OR10J1: variants seen among roughly 807,000 people sequenced by gnomAD.
OR10J1 encodes the protein olfactory receptor family 10 subfamily J member 1, also known as olfactory receptor 10J1.
For missense variants in OR10J1, 474 were observed against 376.6 expected (o/e 1.26, Z -2.14); for synonymous variants, 202 against 143.8 (o/e 1.40, Z -2.89).
the OR10J1 span, chr1:159,406,307 T>C: frequency 3.9e-6 from 2 of 508,330 alleles, 1 homozygote; most frequent in Non-Finnish European, 8.0e-6. Context: ...TGCTGTCACC[T>C]GAAGCTGGAG....
At chr1:159,427,871 A>G in the OR10J1 span, among the ~76,000 whole-genome samples, 2 of 152,148 alleles carry the variant, frequency 1.3e-5, no homozygotes, top group African/African-American at 2.4e-5. Context: ...GGTTTCCGTT[A>G]AAACGTATGA....
the OR10J1 span, chr1:159,432,791 G>A: frequency 1.1e-5 from 3 of 273,772 alleles, no homozygotes; most frequent in Admixed American, 1.1e-4. Flanking sequence ...CTACTATCAA[G>A]GAGTTATTAC....
the OR10J1 span, chr1:159,406,152 G>A: frequency 2.0e-6 from 1 of 488,428 alleles, no homozygotes; most frequent in Non-Finnish European, 4.1e-6. Flanking sequence ...CATGTAGCAG[G>A]TCTCAGAGAT....
the OR10J1 span, chr1:159,406,182 G>T: frequency 2.0e-6 from 1 of 508,388 alleles, no homozygotes; most frequent in South Asian, 1.5e-5. Context: ...TGCTCAGGAA[G>T]AAGTACATGG....
chr1:159,415,345 G>A, the OR10J1 span, among the ~76,000 whole-genome samples: 1 of 151,990 alleles, frequency 6.6e-6, no homozygotes, highest in African/African-American at 2.4e-5. Flanking sequence ...CCCAATGCAT[G>A]TTCTTAGTGC....
rs1394275646 is a variant in OR10J1, at chr1:159,440,211, G to A, written c.420G>A (p.Leu140=). Residue 140 remains leucine (L), a synonymous_variant, in exon 1 of 1, where the codon CTG becomes CTA. Coordinates refer to ENST00000423932, the MANE Select transcript of OR10J1 (RefSeq NM_012351.3). ...ACATGGTTATTATGAACAAGAGGCTGCGTATCCAACTTGTCCTGGGGGCCT... is the reference window on the plus strand; with the variant it reads ...ACATGGTTATTATGAACAAGAGGCTACGTATCCAACTTGTCCTGGGGGCCT... ...LRYMVIMNKR[L]RIQLVLGACS... is the part of the protein sequence containing the mutation. The A allele has an allele frequency of 2.3e-5, 37 of 1,614,040 alleles. No individual in the cohort carries two copies. The highest frequency in any genetic ancestry group is 3.1e-5 in the Non-Finnish European group (37 of 1,180,012).
In OR10J1 at chr1:159,440,457, T is replaced by G; in HGVS notation, c.666T>G (p.Ser222=). 1 of 1,614,174 alleles carries G rather than the reference T, an allele frequency of 6.2e-7. No individual in the cohort carries two copies. Among genetic ancestry groups the G allele is most frequent in the Non-Finnish European group, 8.5e-7 (1 of 1,180,022 alleles). The stretch of plus-strand genomic sequence containing the variant: ...TCATTTCTTATGTTCTCATTATCTC[T>G]ACAATCCTCAAGATTGCTTCAGTTG... The part of the protein sequence containing the change: ...LVFISYVLII[S]TILKIASVEG... The change falls in exon 1 of 1, where the codon TCT becomes TCG. Residue 222 remains serine, a synonymous_variant. Transcript: ENST00000423932.
chr1:159,433,716 CACTGT>C (rs1218883065), upstream of OR10J1, among the ~76,000 whole-genome samples: 2 of 152,196 alleles, frequency 1.3e-5, no homozygotes, highest in African/African-American at 4.8e-5. Flanking sequence ...CTTAGTCAAT[CACTGT>C]ACCCAAAACC....
the OR10J1 span, chr1:159,406,359 C>T: frequency 4.5e-6 from 2 of 443,010 alleles, no homozygotes; most frequent in South Asian, 3.8e-5. Context: ...TGGACTTTGA[C>T]CTTGGCACTG....
chr1:159,426,717 C>T, the OR10J1 span, among the ~76,000 whole-genome samples: 1 of 151,624 alleles, frequency 6.6e-6, no homozygotes, highest in Non-Finnish European at 1.5e-5. Context: ...CTTTTGATCC[C>T]AAAGGATGTC....
the OR10J1 span, among the ~76,000 whole-genome samples, chr1:159,406,806 C>A: frequency 6.6e-6 from 1 of 152,048 alleles, no homozygotes; most frequent in Admixed American, 6.6e-5. Context: ...TGGGTTTAAT[C>A]CATTCATTTC....
At chr1:159,412,907 A>G in the OR10J1 span, among the ~76,000 whole-genome samples, 3 of 151,950 alleles carry the variant, frequency 2.0e-5, no homozygotes, top group Non-Finnish European at 4.4e-5. Context: ...GGCAACCTAC[A>G]ACATGGGAGA....
At chr1:159,425,601 A>T in the OR10J1 span, among the ~76,000 whole-genome samples, 1 of 152,116 alleles carries the variant, frequency 6.6e-6, no homozygotes, top group African/African-American at 2.4e-5. Flanking sequence ...CAAGAAAAAA[A>T]TTGCAAAGAA....
At chr1:159,403,399 G>A in the OR10J1 span, among the ~76,000 whole-genome samples, 4 of 150,716 alleles carry the variant, frequency 2.7e-5, no homozygotes, top group East Asian at 1.9e-4. Context: ...TGTGTAAGGA[G>A]CACAAACAAC....
the OR10J1 span, among the ~76,000 whole-genome samples, chr1:159,406,574 T>C: frequency 6.6e-6 from 1 of 152,046 alleles, no homozygotes; most frequent in Non-Finnish European, 1.5e-5. Context: ...AATGACCTAC[T>C]GGATTAAGGG....
At chr1:159,438,877 GT>G (rs558061699), upstream of OR10J1, among the ~76,000 whole-genome samples, 2 of 152,214 alleles carry the variant, frequency 1.3e-5, no homozygotes, top group East Asian at 3.9e-4. Context: ...TGGTGTAGCT[GT>G]TTTTTTATAT....
At chr1:159,418,881 T>C in the OR10J1 span, among the ~76,000 whole-genome samples, 1 of 152,220 alleles carries the variant, frequency 6.6e-6, no homozygotes, top group African/African-American at 2.4e-5. Context: ...CTTGCATCAG[T>C]GTGACCTGGA....
chr1:159,424,727 A>G, the OR10J1 span, among the ~76,000 whole-genome samples: 1 of 152,128 alleles, frequency 6.6e-6, no homozygotes. Context: ...GAAATAAGAG[A>G]CAAAACAATG....
At chr1:159,400,835 A>G in the OR10J1 span, among the ~76,000 whole-genome samples, 1,974 of 152,030 alleles carry the variant, frequency 0.013, 34 homozygotes, top group Non-Finnish European at 0.018. Flanking sequence ...TCCTCAGCAC[A>G]TGGATCATTC....
Sources: allele counts gnomAD v4.1 joint callset (sites outside exome capture counted in the v4.1 genomes callset), GRCh38; gene constraint gnomAD v4.1.1; transcripts MANE v1.5; gene names NCBI Gene and HGNC (gene_info 2026-07-23, HGNC 2026-07-21).